Variants in SAFB observed in about 807,000 individuals in gnomAD.
SAFB encodes scaffold attachment factor B, also known as scaffold attachment factor B1.
In SAFB, 15 loss-of-function variants were observed where a neutral mutation model predicts 101.6. That is an observed-to-expected ratio of 0.15 (90% CI 0.10 to 0.23). The LOEUF is 0.23. Among genes scored for constraint, SAFB ranks in the 10% least tolerant of loss-of-function variants. The probability of loss-of-function intolerance (pLI) is 1.00; values close to 1 mark genes in which losing one functional copy is unlikely to be tolerated. For synonymous variants in SAFB, 449 were observed against 407.5 expected (o/e 1.10, Z -1.23); for missense variants, 930 against 1,104.1 (o/e 0.84, Z 2.23).
chr19:5,643,615 C>G (rs1310491207), intron 4 of SAFB, among the ~76,000 whole-genome samples: 1 of 152,108 alleles, frequency 6.6e-6, no homozygotes, highest in Non-Finnish European at 1.5e-5. Flanking sequence ...GTTTTTTTCC[C>G]TCCTAAGCAG....
chr19:5,624,653 C>T (rs1285252101), intron 1 of SAFB, among the ~76,000 whole-genome samples: 4 of 150,376 alleles, frequency 2.7e-5, no homozygotes, highest in Non-Finnish European at 5.9e-5. Context: ...GATCACAGGG[C>T]TTTATTATTA....
chr19:5,623,735 C>T (rs899574360), intron 1 of SAFB, among the ~76,000 whole-genome samples: 3 of 152,060 alleles, frequency 2.0e-5, no homozygotes, highest in Middle Eastern at 3.4e-3. Context: ...CCCTCACTTC[C>T]CAGGCGAGGG....
intron 15 of SAFB, 111 bp from the exon 16 acceptor site, chr19:5,663,911 T>G (rs1291849135): frequency 8.2e-7 from 1 of 1,218,770 alleles, no homozygotes; most frequent in East Asian, 2.3e-5. Flanking sequence ...GAGAACACTC[T>G]TGGTGAAAGT....
At chr19:5,666,836 C>A in intron 17 of SAFB, 1 of 649,886 alleles carries the variant, frequency 1.5e-6, no homozygotes. Flanking sequence ...GTACTAGTAC[C>A]TTTTTTGTAC....
intron 14 of SAFB, among the ~76,000 whole-genome samples, chr19:5,660,059 G>A (rs765277675): frequency 2.6e-5 from 4 of 152,170 alleles, no homozygotes; most frequent in Non-Finnish European, 5.9e-5. Context: ...GCAGTCATTT[G>A]AGTCCAGAAC....
intron 8 of SAFB, among the ~76,000 whole-genome samples, chr19:5,650,660 C>T (rs1186244100): frequency 1.3e-5 from 2 of 152,188 alleles, no homozygotes; most frequent in African/African-American, 4.8e-5. Flanking sequence ...ATTCGCCCAC[C>T]TCAGCCTCCC....
intron 2 of SAFB, among the ~76,000 whole-genome samples, chr19:5,630,689 G>C: frequency 6.6e-6 from 1 of 151,642 alleles, no homozygotes; most frequent in Non-Finnish European, 1.5e-5. Flanking sequence ...CCGGGAAGCA[G>C]AGGTTGCAGT....
chr19:5,655,479 A>C (rs892431541), intron 13 of SAFB, among the ~76,000 whole-genome samples: 13 of 149,866 alleles, frequency 8.7e-5, no homozygotes, highest in Admixed American at 2.7e-4. Flanking sequence ...AAAAAAAAAA[A>C]ACACACACCT....
intron 5 of SAFB, 125 bp downstream of exon 5, chr19:5,645,524 G>T: frequency 1.8e-6 from 1 of 571,242 alleles, no homozygotes; most frequent in Non-Finnish European, 3.2e-6. Flanking sequence ...CCTTTGTCAG[G>T]ATCGTTAATG....
chr19:5,666,607 T>G (rs2054332278), intron 17 of SAFB: 1 of 167,930 alleles, frequency 6.0e-6, no homozygotes, highest in African/African-American at 2.4e-5. Context: ...AGGAAGAAAT[T>G]TGTAAAAATT....
At chr19:5,649,849 C>T in intron 7 of SAFB, 77 bp from the exon 8 acceptor site, 3 of 1,346,686 alleles carry the variant, frequency 2.2e-6, no homozygotes, top group South Asian at 2.4e-5. Context: ...TATGCAACCT[C>T]AGCACGAATT....
intron 8 of SAFB, 44 bp from the exon 9 acceptor site, chr19:5,650,934 C>A: frequency 8.3e-7 from 1 of 1,202,682 alleles, no homozygotes. Context: ...GACTCAAGAT[C>A]TTGTGGGTAT....
chr19:5,640,916 T>C (rs999880911), intron 2 of SAFB, among the ~76,000 whole-genome samples: 22 of 148,190 alleles, frequency 1.5e-4, no homozygotes, highest in Non-Finnish European at 3.0e-4. Context: ...TGATAGTATG[T>C]GGGTTTTTTG....
intron 2 of SAFB, among the ~76,000 whole-genome samples, chr19:5,636,034 T>G (rs1370094596): frequency 6.6e-6 from 1 of 152,060 alleles, no homozygotes; most frequent in Non-Finnish European, 1.5e-5. Flanking sequence ...ACGTTGAAGA[T>G]TAAACATTTT....
chr19:5,647,186 T>A (rs1187100696), intron 5 of SAFB, among the ~76,000 whole-genome samples: 1 of 151,992 alleles, frequency 6.6e-6, no homozygotes, highest in African/African-American at 2.4e-5. Flanking sequence ...CAGCTGGAGT[T>A]GGGTTAGAGG....
intron 2 of SAFB, among the ~76,000 whole-genome samples, chr19:5,627,903 T>C (rs2053402310): frequency 6.6e-6 from 1 of 152,098 alleles, no homozygotes; most frequent in Non-Finnish European, 1.5e-5. Context: ...CTTGTTTATC[T>C]TTCTTTCCCC....
intron 2 of SAFB, among the ~76,000 whole-genome samples, chr19:5,628,986 T>C (rs1353319313): frequency 6.6e-6 from 1 of 152,140 alleles, no homozygotes; most frequent in Non-Finnish European, 1.5e-5. Context: ...AGATGGAGGG[T>C]AGTCGCGCAG....
Position 5,623,334 on chromosome 19 carries a change from G to A in SAFB, c.129G>A (p.Leu43=). The A allele has an allele frequency of 6.2e-6, 10 of 1,614,078 alleles. No homozygotes were observed. Among genetic ancestry groups the A allele is most frequent in the Non-Finnish European group, 8.5e-6 (10 of 1,179,928 alleles). ...DLRVIDLRAE[L]RKRNVDSSGN... ...GAGTGATCGATCTGCGGGCGGAGCT[G>A]AGGAAACGGAATGTGGACTCGAGCG... The change falls in exon 1 of 21, where the codon CTG becomes CTA. Residue 43 remains leucine, a synonymous_variant. Transcript: ENST00000588852.
rs1538011 is a variant in SAFB, at chr19:5,664,025, A to T, written c.2157A>T (p.Arg719=). ...AVRRPYDLDR[R]DDAYWPEAKR... is the part of the protein sequence containing the mutation. Reference sequence around the variant, plus strand: ...TCTGTCTCATGTCCCCTCACAGGCGAGATGATGCCTATTGGCCGGAAGCCA... The same window carrying T: ...TCTGTCTCATGTCCCCTCACAGGCGTGATGATGCCTATTGGCCGGAAGCCA... The change falls in exon 16 of 21, where the codon CGA becomes CGT. Residue 719 remains arginine, a synonymous_variant. Transcript: ENST00000588852. The T allele has an allele frequency of 1.2e-6, 2 of 1,613,772 alleles. No individual in the cohort carries two copies. Among genetic ancestry groups the T allele is most frequent in the East Asian group, 4.5e-5 (2 of 44,874 alleles).
Sources: allele counts gnomAD v4.1 joint callset (sites outside exome capture counted in the v4.1 genomes callset), GRCh38; gene constraint gnomAD v4.1.1; transcripts MANE v1.5; gene names NCBI Gene and HGNC (gene_info 2026-07-23, HGNC 2026-07-21).